Variants in RBPJ observed in about 807,000 individuals in gnomAD.
RBPJ encodes the protein recombination signal binding protein for immunoglobulin kappa J region.
A neutral mutation model predicts 67.8 loss-of-function variants in RBPJ; 9 were observed. That is an observed-to-expected ratio of 0.13 (90% CI 0.08 to 0.23). The LOEUF (loss-of-function observed/expected upper bound fraction) is 0.23. Ranked by LOEUF, RBPJ falls within the 10% of genes least tolerant of loss-of-function variation. The pLI, the probability that RBPJ is intolerant of heterozygous loss-of-function variation, is 1.00. For synonymous variants in RBPJ, 198 were observed against 203.3 expected (o/e 0.97, Z 0.22); for missense variants, 305 against 595.6 (o/e 0.51, Z 5.08).
chr4:26,308,858 T>C (rs1334348871), intron 1 of RBPJ, among the ~76,000 whole-genome samples: 1 of 152,190 alleles, frequency 6.6e-6, no homozygotes, highest in African/African-American at 2.4e-5. Context: ...AGGCCATCTG[T>C]GTTCAAGGTT....
intron 1 of RBPJ, among the ~76,000 whole-genome samples, chr4:26,255,867 G>A (rs1452418160): frequency 6.6e-6 from 1 of 150,590 alleles, no homozygotes; most frequent in Admixed American, 6.6e-5. Context: ...CTTGGATTTT[G>A]AGAAATGGAG....
chr4:26,191,208 TATAGAG>T (rs1305753913), intron 1 of RBPJ, among the ~76,000 whole-genome samples: 570 of 27,218 alleles, frequency 0.021, 6 homozygotes, highest in Non-Finnish European at 0.027. Flanking sequence ...TATATATATA[TATAGAG>T]AGAGAGAGAG....
At chr4:26,145,028 CTT>C in the RBPJ span, among the ~76,000 whole-genome samples, 148 of 146,662 alleles carry the variant, frequency 1.0e-3, no homozygotes, top group African/African-American at 3.2e-3. Flanking sequence ...TCTTCTTCTT[CTT>C]TTTTTTTTTT....
chr4:26,343,334 T>C (rs1291597958), intron 1 of RBPJ: 2 of 152,226 alleles, frequency 1.3e-5, no homozygotes, highest in Non-Finnish European at 2.9e-5. Flanking sequence ...TTGTAAGATA[T>C]GTTATAGACG....
chr4:26,314,454 G>T (rs150409563), intron 1 of RBPJ, among the ~76,000 whole-genome samples: 2 of 152,272 alleles, frequency 1.3e-5, no homozygotes, highest in African/African-American at 4.8e-5. Context: ...CCAAATCTTA[G>T]GTCAAATTGT....
At chr4:26,366,033 C>A (rs1181620702) in intron 1 of RBPJ, among the ~76,000 whole-genome samples, 1 of 152,296 alleles carries the variant, frequency 6.6e-6, no homozygotes, top group African/African-American at 2.4e-5. Context: ...CCGTGAACCC[C>A]CTACCCCCTA....
At chr4:26,135,254 AC>A in the RBPJ span, among the ~76,000 whole-genome samples, 1 of 152,060 alleles carries the variant, frequency 6.6e-6, no homozygotes, top group African/African-American at 2.4e-5. Flanking sequence ...ATCTTAGCAC[AC>A]CTTGGAACTT....
chr4:26,415,995 A>G (rs1020884811), intron 4 of RBPJ, among the ~76,000 whole-genome samples: 20 of 152,140 alleles, frequency 1.3e-4, no homozygotes, highest in African/African-American at 4.8e-4. Flanking sequence ...GTAATGTTTT[A>G]CTCTGCTATT....
chr4:26,378,983 G>A (rs918869530), intron 1 of RBPJ, among the ~76,000 whole-genome samples: 14 of 152,174 alleles, frequency 9.2e-5, no homozygotes, highest in South Asian at 2.1e-4. Context: ...CCAAGATTGT[G>A]CCACTGCACT....
intron 1 of RBPJ, among the ~76,000 whole-genome samples, chr4:26,235,039 G>T (rs906261633): frequency 6.6e-6 from 1 of 152,020 alleles, no homozygotes; most frequent in Non-Finnish European, 1.5e-5. Context: ...GCTGAATAAA[G>T]CCTTCATAAC....
chr4:26,417,353 G>A (rs1734694386), intron 4 of RBPJ, among the ~76,000 whole-genome samples: 1 of 152,024 alleles, frequency 6.6e-6, no homozygotes, highest in Non-Finnish European at 1.5e-5. Context: ...TACCTTTAGG[G>A]GCTGCCTCAA....
intron 1 of RBPJ, among the ~76,000 whole-genome samples, chr4:26,271,197 T>A (rs1299549667): frequency 6.6e-6 from 1 of 152,136 alleles, no homozygotes; most frequent in East Asian, 1.9e-4. Context: ...CATGCCACCT[T>A]GCCCAGCCTA....
chr4:26,160,588 T>C (rs1453543833), upstream of RBPJ, among the ~76,000 whole-genome samples: 1 of 152,208 alleles, frequency 6.6e-6, no homozygotes, highest in African/African-American at 2.4e-5. Context: ...AACATAAGTT[T>C]AGTTCTTGTA....
intron 2 of RBPJ, among the ~76,000 whole-genome samples, chr4:26,403,381 AT>A (rs1297914233): frequency 1.3e-5 from 2 of 152,012 alleles, no homozygotes; most frequent in Non-Finnish European, 2.9e-5. Flanking sequence ...TTTTCCAAGA[AT>A]TTTTTTTAAA....
chr4:26,268,293 T>C (rs1240047848), intron 1 of RBPJ, among the ~76,000 whole-genome samples: 2 of 152,182 alleles, frequency 1.3e-5, no homozygotes, highest in East Asian at 3.9e-4. Flanking sequence ...CCAAGTGTCC[T>C]CTTTTTCTGT....
chr4:26,289,588 CAAG>C (rs1721600047), intron 1 of RBPJ, among the ~76,000 whole-genome samples: 1 of 150,220 alleles, frequency 6.7e-6, no homozygotes, highest in East Asian at 2.0e-4. Flanking sequence ...AAGCTAAATT[CAAG>C]AAGGACTTTA....
At chr4:26,191,251 AGAG>A (rs1717532640) in intron 1 of RBPJ, among the ~76,000 whole-genome samples, 1 of 130,358 alleles carries the variant, frequency 7.7e-6, no homozygotes, top group African/African-American at 3.1e-5. Flanking sequence ...ATAGAGAGAG[AGAG>A]AGGGAGAGAG....
chr4:26,372,196 G>A (rs1347007055), intron 1 of RBPJ, among the ~76,000 whole-genome samples: 1 of 152,206 alleles, frequency 6.6e-6, no homozygotes, highest in African/African-American at 2.4e-5. Context: ...TTAGAGAATG[G>A]AGATAGAGAA....
At chr4:26,211,548 T>A (rs73809261) in intron 1 of RBPJ, among the ~76,000 whole-genome samples, 295 of 152,290 alleles carry the variant, frequency 1.9e-3, no homozygotes, top group African/African-American at 6.7e-3. Context: ...AATATATTCA[T>A]AAAGTTGCAC....
Sources: gnomAD v4.1 joint callset for allele counts (sites outside exome capture counted in the v4.1 genomes callset) on GRCh38, gnomAD v4.1.1 for gene constraint, MANE v1.5 for transcripts, NCBI Gene and HGNC (gene_info 2026-07-23, HGNC 2026-07-21) for gene names.